The following COL19A1 variants were observed in gnomAD, a reference collection of about 807,000 sequenced individuals.
The protein encoded by COL19A1 is collagen alpha-1(XIX) chain.
A neutral mutation model predicts 190.2 loss-of-function variants in COL19A1; 159 were observed. The observed-to-expected ratio is 0.84, with a 90% CI of 0.73 to 0.95. COL19A1 has a LOEUF of 0.95. Ranked by LOEUF, COL19A1 falls within the 40% of genes least tolerant of loss-of-function variation. COL19A1 has a pLI of 0.00. For synonymous variants in COL19A1, 509 were observed against 458.9 expected, an observed-to-expected ratio of 1.11 and a Z score of -1.39; for missense variants, 1,418 against 1,431.9, an observed-to-expected ratio of 0.99 and a Z score of 0.16.
chr6:70,187,947 CAG>C (rs965935645), intron 46 of COL19A1, 126 bp from the exon 47 acceptor site: 1 of 1,075,296 alleles, frequency 9.3e-7, no homozygotes, highest in South Asian at 1.6e-5. Flanking sequence ...GGCTAGGACA[CAG>C]AGAGTTTAAG....
Position 70,064,685 on chromosome 6 carries a change from A to G in COL19A1, c.1171-3738A>G, listed in dbSNP as rs1241826243. On this transcript the variant is annotated intron_variant, in intron 14 of 50. Transcript: ENST00000620364. ...GAAGTCAAATTGTCCCTGTTTGCAG[A>G]TGACATGATTGTATATCTAGAAAAC... Among the ~76,000 whole-genome samples the G allele has an allele frequency of 7.9e-5, 12 of 152,224 alleles. No individual in the cohort carries two copies. The East Asian group carries it at 1.9e-3, about 24-fold the overall frequency.
At chr6:70,133,199 A>G (rs368368135) in intron 18 of COL19A1, among the ~76,000 whole-genome samples, 3 of 152,234 alleles carry the variant, frequency 2.0e-5, no homozygotes, top group East Asian at 1.9e-4. Flanking sequence ...AATTAAACAC[A>G]TAAGTGATTC....
intron 31 of COL19A1, among the ~76,000 whole-genome samples, chr6:70,153,781 T>G (rs1302535584): frequency 6.6e-6 from 1 of 151,404 alleles, no homozygotes; most frequent in Admixed American, 6.6e-5. Context: ...TCTTCATAGT[T>G]TTTCAGGTGT....
At chr6:70,072,765 G>A (rs560185361) in intron 15 of COL19A1, among the ~76,000 whole-genome samples, 10 of 152,054 alleles carry the variant, frequency 6.6e-5, no homozygotes, top group South Asian at 2.1e-4. Context: ...CCCTGCCCCC[G>A]TCAAGATGTG....
At chr6:70,179,752 C>A (rs969911878) in intron 42 of COL19A1, among the ~76,000 whole-genome samples, 4 of 152,156 alleles carry the variant, frequency 2.6e-5, no homozygotes, top group Non-Finnish European at 5.9e-5. Flanking sequence ...CAAAAATATT[C>A]TCCTCTCCTA....
Position 70,121,958 on chromosome 6 carries a change from TC to T in COL19A1, c.1341+19del. 6.6e-7 allele frequency: 1 copy of T among 1,507,074 alleles called. No individual in the cohort carries two copies. The highest frequency in any genetic ancestry group is 9.0e-7 in the Non-Finnish European group (1 of 1,113,150). The allele number at this position is 1,507,074 out of a possible 1,614,324, so 93.4% of individuals were successfully genotyped here. ...GGATAACAAGGTATGGCTTCTTTTT[TC>T]CCATAATTTATAATACATAGAAATT... is the stretch of plus-strand genomic sequence containing the variant. On this transcript the variant is annotated intron_variant, in intron 17 of 50. Coordinates refer to ENST00000620364, the MANE Select transcript of COL19A1 (RefSeq NM_001858.6).
chr6:70,056,028 C>T (rs1326866035), intron 14 of COL19A1, among the ~76,000 whole-genome samples: 1 of 151,944 alleles, frequency 6.6e-6, no homozygotes, highest in Non-Finnish European at 1.5e-5. Flanking sequence ...TTGTAGGGAG[C>T]TTTCTAAGCC....
chr6:70,125,113 A>C (rs1704024869), intron 17 of COL19A1, among the ~76,000 whole-genome samples: 2 of 122,708 alleles, frequency 1.6e-5, no homozygotes, highest in Non-Finnish European at 3.6e-5. Context: ...TGCAATTTGT[A>C]GTGTGCCAGA....
At chr6:69,905,464 G>A (rs938793257) in intron 4 of COL19A1, among the ~76,000 whole-genome samples, 9 of 152,104 alleles carry the variant, frequency 5.9e-5, no homozygotes, top group East Asian at 5.8e-4. Context: ...GAGCTGAGCC[G>A]TGTCCTGGCT....
At chr6:69,906,755 A>G (rs1428670214) in intron 4 of COL19A1, among the ~76,000 whole-genome samples, 1 of 152,178 alleles carries the variant, frequency 6.6e-6, no homozygotes, top group African/African-American at 2.4e-5. Flanking sequence ...CTCTCATTCA[A>G]TTGGTGTCTA....
In COL19A1 at chr6:70,184,687, C is replaced by CTTTTTT. The variant is rs773244908; in HGVS notation, c.2776-14_2776-9dup. 1.9e-6 allele frequency: 3 copies of CTTTTTT among 1,577,044 alleles called. No individual in the cohort carries two copies. Among genetic ancestry groups the CTTTTTT allele is most frequent in the Non-Finnish European group, 2.6e-6 (3 of 1,153,504 alleles). On this transcript the variant is annotated splice_polypyrimidine_tract_variant and intron_variant, in intron 44 of 50. Coordinates refer to ENST00000620364, the MANE Select transcript of COL19A1 (RefSeq NM_001858.6). Reference sequence around the variant, plus strand: ...TAATGCAGAGTTAGAAATATTAATCCTTTTTTTCTTTATAGGGAATAAATG... The same window carrying CTTTTTT: ...TAATGCAGAGTTAGAAATATTAATCCTTTTTTTTTTTTTCTTTATAGGGAATAAATG...
chr6:69,899,601 G>GA (rs1164461230), intron 3 of COL19A1, among the ~76,000 whole-genome samples: 1 of 151,370 alleles, frequency 6.6e-6, no homozygotes, highest in Admixed American at 6.6e-5. Flanking sequence ...TTTGGAAGAA[G>GA]AAAAAAAAAT....
At chr6:69,873,751 T>A (rs942970836) in intron 1 of COL19A1, among the ~76,000 whole-genome samples, 3 of 152,228 alleles carry the variant, frequency 2.0e-5, no homozygotes, top group South Asian at 2.1e-4. Context: ...CATTGGGGAT[T>A]AAGTTTCTAA....
chr6:70,178,894 G>A (rs372799630), intron 42 of COL19A1, among the ~76,000 whole-genome samples: 11 of 152,170 alleles, frequency 7.2e-5, no homozygotes, highest in Admixed American at 5.2e-4. Flanking sequence ...AGTGCTGGTC[G>A]TGGGGTGGGG....
At chr6:69,908,501 C>CT (rs1340611058) in intron 4 of COL19A1, among the ~76,000 whole-genome samples, 5 of 152,074 alleles carry the variant, frequency 3.3e-5, no homozygotes, top group Admixed American at 6.6e-5. Context: ...TTAAGTCATA[C>CT]TTTTTTTAAA....
At chr6:70,052,235 A>G (rs1372675445) in intron 14 of COL19A1, among the ~76,000 whole-genome samples, 1 of 152,118 alleles carries the variant, frequency 6.6e-6, no homozygotes, top group Non-Finnish European at 1.5e-5. Flanking sequence ...AGGAATAAGA[A>G]TATCCAGCTG....
At chr6:70,161,786 T>C (rs1787823153) in intron 34 of COL19A1, 114 bp from the exon 35 acceptor site, 4 of 628,796 alleles carry the variant, frequency 6.4e-6, no homozygotes, top group Non-Finnish European at 1.0e-5. Context: ...AAACATTATG[T>C]TTCTCGATTA....
intron 15 of COL19A1, among the ~76,000 whole-genome samples, chr6:70,068,882 C>T (rs183764896): frequency 6.6e-6 from 1 of 152,200 alleles, no homozygotes; most frequent in East Asian, 1.9e-4. Context: ...TCATAACTCT[C>T]CTTTCATTGC....
At chr6:69,906,241 G>T (rs544873131) in intron 4 of COL19A1, among the ~76,000 whole-genome samples, 2 of 152,162 alleles carry the variant, frequency 1.3e-5, no homozygotes, top group Non-Finnish European at 2.9e-5. Flanking sequence ...TCTACATGCT[G>T]TTGGTTCTGA....
Sources: allele counts gnomAD v4.1 joint callset (sites outside exome capture counted in the v4.1 genomes callset), GRCh38; gene constraint gnomAD v4.1.1; transcripts MANE v1.5; gene names NCBI Gene and HGNC (gene_info 2026-07-23, HGNC 2026-07-21).